SGCZ: variants seen among roughly 807,000 people sequenced by gnomAD.
SGCZ encodes sarcoglycan zeta, also known as zeta-sarcoglycan.
SGCZ carries 40 observed loss-of-function variants against 41.3 expected under a neutral mutation model. The ratio of observed to expected loss-of-function variants is 0.97; its 90% confidence interval spans 0.75 to 1.26. The LOEUF (loss-of-function observed/expected upper bound fraction) is 1.26. Ranked by LOEUF, SGCZ falls within the 50% of genes most tolerant of loss-of-function variation. The probability of loss-of-function intolerance (pLI) is 0.00; values close to 1 mark genes in which losing one functional copy is unlikely to be tolerated. For missense variants in SGCZ, 552 were observed against 369.8 expected (o/e 1.49, Z -4.04); for synonymous variants, 206 against 137.5 (o/e 1.50, Z -3.49).
intron 1 of SGCZ, among the ~76,000 whole-genome samples, chr8:14,923,018 C>T (rs1234471736): frequency 6.6e-6 from 1 of 152,154 alleles, no homozygotes; most frequent in African/African-American, 2.4e-5. Context: ...TAGGTTTTGC[C>T]TTTGTTTTGC....
At chr8:14,776,463 G>A (rs1374580811) in intron 1 of SGCZ, among the ~76,000 whole-genome samples, 5 of 151,230 alleles carry the variant, frequency 3.3e-5, no homozygotes, top group Admixed American at 3.3e-4. Context: ...ACCCAGTCTC[G>A]GATATGTCTT....
intron 3 of SGCZ, among the ~76,000 whole-genome samples, chr8:14,295,657 T>A (rs1320550726): frequency 2.0e-5 from 3 of 152,026 alleles, no homozygotes; most frequent in African/African-American, 4.8e-5. Context: ...AATACATAAA[T>A]GTGACATATT....
chr8:14,869,635 G>T (rs1208427857), intron 1 of SGCZ, among the ~76,000 whole-genome samples: 1 of 152,188 alleles, frequency 6.6e-6, no homozygotes, highest in Non-Finnish European at 1.5e-5. Flanking sequence ...AATAGGAAGA[G>T]AGGAAGTCAA....
chr8:14,512,027 C>T (rs1481274032), intron 2 of SGCZ, among the ~76,000 whole-genome samples: 2 of 152,120 alleles, frequency 1.3e-5, no homozygotes. Context: ...GGGCAACATT[C>T]TTGGATGTGA....
At chr8:14,299,487 T>C (rs1209910949) in intron 3 of SGCZ, among the ~76,000 whole-genome samples, 2 of 151,872 alleles carry the variant, frequency 1.3e-5, no homozygotes, top group Non-Finnish European at 2.9e-5. Context: ...AATCCAATAA[T>C]AATGAACAAA....
At chr8:15,041,887 A>G (rs1023036214) in intron 1 of SGCZ, among the ~76,000 whole-genome samples, 1 of 152,154 alleles carries the variant, frequency 6.6e-6, no homozygotes. Flanking sequence ...TATTCTGTTG[A>G]TTTTTAGGTC....
intron 1 of SGCZ, among the ~76,000 whole-genome samples, chr8:15,169,784 A>C (rs1433561878): frequency 6.6e-6 from 1 of 152,176 alleles, no homozygotes; most frequent in Non-Finnish European, 1.5e-5. Context: ...AATCCCATCC[A>C]TAAGGGCTCC....
At chr8:15,020,426 T>C (rs144586022) in intron 1 of SGCZ, among the ~76,000 whole-genome samples, 1 of 152,232 alleles carries the variant, frequency 6.6e-6, no homozygotes, top group African/African-American at 2.4e-5. Context: ...CAGGTAGAAC[T>C]GAGCTGGGGA....
chr8:14,334,012 T>G (rs1046881152), intron 2 of SGCZ, among the ~76,000 whole-genome samples: 8 of 152,036 alleles, frequency 5.3e-5, no homozygotes, highest in Non-Finnish European at 1.2e-4. Context: ...CACTTCCTAT[T>G]TTCAGTAAAA....
chr8:15,106,386 C>T (rs769209599), intron 1 of SGCZ, among the ~76,000 whole-genome samples: 5 of 152,002 alleles, frequency 3.3e-5, no homozygotes, highest in African/African-American at 4.8e-5. Flanking sequence ...TACATATGAA[C>T]AAATGAGCCT....
chr8:14,370,622 T>A lies in SGCZ; in HGVS notation c.235-46418A>T, dbSNP rs553436803. ...TCTATTTATATTCATATATTTATAT[T>A]GAAAGAATTAAATTTTAGTTTTTAA... On this transcript the variant is annotated intron_variant, in intron 2 of 7. Transcript: ENST00000382080. Among the ~76,000 whole-genome samples the A allele has an allele frequency of 5.3e-5, 8 of 152,042 alleles. 2 individuals carry two copies. In the East Asian group the frequency reaches 9.7e-4, roughly 18 times the overall value.
chr8:14,138,788 A>G (rs1333834783), intron 5 of SGCZ, among the ~76,000 whole-genome samples: 1 of 152,224 alleles, frequency 6.6e-6, no homozygotes, highest in East Asian at 1.9e-4. Context: ...TCAATGAGAC[A>G]GAAAGTTAAC....
intron 1 of SGCZ, among the ~76,000 whole-genome samples, chr8:15,200,477 T>C (rs528779168): frequency 1.3e-5 from 2 of 152,222 alleles, no homozygotes; most frequent in Admixed American, 1.3e-4. Context: ...TGACAGGAGA[T>C]ATCTGGAGCT....
intron 1 of SGCZ, among the ~76,000 whole-genome samples, chr8:15,124,309 T>C (rs1807596780): frequency 6.6e-6 from 1 of 152,154 alleles, no homozygotes; most frequent in Non-Finnish European, 1.5e-5. Context: ...AAAAAGAATG[T>C]GTTTATCTTT....
At chr8:14,641,544 T>C (rs1807028327) in intron 1 of SGCZ, among the ~76,000 whole-genome samples, 1 of 151,632 alleles carries the variant, frequency 6.6e-6, no homozygotes, top group Admixed American at 6.6e-5. Context: ...AGGAGTCTTT[T>C]GCTCCACTTT....
At chr8:14,250,777 C>T (rs976310631) in intron 3 of SGCZ, among the ~76,000 whole-genome samples, 2 of 152,296 alleles carry the variant, frequency 1.3e-5, no homozygotes, top group East Asian at 1.9e-4. Flanking sequence ...TGTCCCAGCG[C>T]TCCTATGCAC....
rs796821377 is a variant in SGCZ, at chr8:14,301,259, T to C, written c.336+22844A>G. ...TATTTAAGCTAAGAGTCTACATCTA[T>C]CTCTCTTTATAGAATCTCCTCTTCT... On this transcript the variant is annotated intron_variant, in intron 3 of 7. Transcript: ENST00000382080. Among the ~76,000 whole-genome samples, 8 of 152,138 alleles carry C rather than the reference T, an allele frequency of 5.3e-5. 1 individual carries two copies. The highest frequency in any genetic ancestry group is 1.4e-4 in the African/African-American group (6 of 41,536).
chr8:14,297,813 G>A (rs1045444204), intron 3 of SGCZ, among the ~76,000 whole-genome samples: 98 of 151,912 alleles, frequency 6.5e-4, no homozygotes, highest in African/African-American at 2.2e-3. Flanking sequence ...AGCACAAGTC[G>A]CTTTGTTGGG....
At chr8:14,925,679 G>A (rs535292533) in intron 1 of SGCZ, among the ~76,000 whole-genome samples, 2 of 152,302 alleles carry the variant, frequency 1.3e-5, no homozygotes, top group South Asian at 2.1e-4. Flanking sequence ...ATCCAGTGTG[G>A]CAAGGTTTGA....
Sources: gnomAD v4.1 joint callset for allele counts (sites outside exome capture counted in the v4.1 genomes callset) on GRCh38, gnomAD v4.1.1 for gene constraint, MANE v1.5 for transcripts, NCBI Gene and HGNC (gene_info 2026-07-23, HGNC 2026-07-21) for gene names.